XPOT: variants seen among roughly 807,000 people sequenced by gnomAD.
XPOT encodes exportin for tRNA, also known as exportin-T.
Under a neutral mutation model 128.2 loss-of-function variants are expected in XPOT, and 34 were observed. That is an observed-to-expected ratio of 0.27 (90% CI 0.20 to 0.35). The LOEUF is 0.35. Ranked by LOEUF, XPOT falls within the 10% of genes least tolerant of loss-of-function variation. The pLI is 1.00. For missense variants in XPOT, 838 were observed against 1,125.3 expected (o/e 0.74, Z 3.65); for synonymous variants, 348 against 394.3 (o/e 0.88, Z 1.39).
At position 64,420,192 on chromosome 12, in the gene XPOT, G is replaced by A. The variant is rs765120405; in HGVS notation, c.612G>A (p.Gln204=). The A allele has an allele frequency of 4.9e-5, 79 of 1,611,882 alleles. No individual in the cohort carries two copies. The highest frequency in any genetic ancestry group is 6.2e-5 in the Non-Finnish European group (73 of 1,179,324). ...YQFTNSEVTC[Q]CLEVVGAYVS... ...TTACTAATTCTGAAGTGACGTGTCA[G>A]TGCCTTGAAGTAGTTGGGGCTTATG... Residue 204 remains glutamine (Q), a synonymous_variant, in exon 7 of 25, where the codon CAG becomes CAA. Transcript: ENST00000332707.
Position 64,445,084 on chromosome 12 carries a change from C to A in XPOT, c.2815C>A (p.Gln939Lys). ...VAPEIIQEFC[Q>K]ALQQPDAKVF... The stretch of plus-strand genomic sequence containing the variant: ...TTTCCCCACCCCCCAGGAGTTTTGT[C>A]AAGCGCTTCAGCAGCCTGATGCTAA... The change falls in exon 24 of 25, where the codon CAA becomes AAA. Residue 939 changes from glutamine (Q) to lysine (K), a missense_variant. By Grantham distance (53) the Gln-to-Lys change is moderately conservative. Transcript: ENST00000332707. 6.2e-7 allele frequency: 1 copy of A among 1,607,936 alleles called. No individual in the cohort carries two copies. The highest frequency in any genetic ancestry group is 1.1e-5 in the South Asian group (1 of 90,162).
intron 22 of XPOT, among the ~76,000 whole-genome samples, chr12:64,436,622 C>T (rs549531721): frequency 4.7e-4 from 72 of 152,014 alleles, no homozygotes; most frequent in African/African-American, 1.6e-3. Flanking sequence ...CCTGTGTTAC[C>T]CAGGCTGGAG....
rs115563445 is a variant in XPOT, at chr12:64,436,730, G to A, written c.2733+1056G>A. Among the ~76,000 whole-genome samples the A allele has an allele frequency of 4.4e-3, 667 of 152,128 alleles. 1 individual carries two copies. Among genetic ancestry groups the A allele is most frequent in the African/African-American group, 0.015 (636 of 41,506 alleles). ...TGAATAGCTGGGAGTACAGGCGCAC[G>A]CCACCACACCTGGCTAATTTTTGTG... is the stretch of plus-strand genomic sequence containing the variant. On this transcript the variant is annotated intron_variant, in intron 22 of 24. Coordinates refer to ENST00000332707, the MANE Select transcript of XPOT (RefSeq NM_007235.6).
Position 64,445,101 on chromosome 12 carries a change from T to C in XPOT, c.2832T>C (p.Pro944=), listed in dbSNP as rs755297552. ...AGTTTTGTCAAGCGCTTCAGCAGCCTGATGCTAAAGTTTTTAAAAATTACT... is the reference window on the plus strand; with the variant it reads ...AGTTTTGTCAAGCGCTTCAGCAGCCCGATGCTAAAGTTTTTAAAAATTACT... The part of the protein sequence containing the change: ...IQEFCQALQQ[P]DAKVFKNYLK... Residue 944 remains proline, a synonymous_variant, in exon 24 of 25, where the codon CCT becomes CCC. Coordinates refer to ENST00000332707, the MANE Select transcript of XPOT (RefSeq NM_007235.6). The C allele has an allele frequency of 6.2e-6, 10 of 1,610,468 alleles. No individual in the cohort carries two copies. The East Asian group carries it at 2.2e-4, about 36-fold the overall frequency.
rs115842166 is a variant in XPOT at position 64,435,337 on chromosome 12, A to G, written c.2686-290A>G. 4.9e-3 allele frequency among the ~76,000 whole-genome samples: 751 copies of G among 152,290 alleles called. 9 individuals are homozygous for G. Among genetic ancestry groups the G allele is most frequent in the African/African-American group, 0.018 (735 of 41,550 alleles). ...CTAATTTTCACAATACTTAATGTCA[A>G]TTTCCGCTTTCTCACTTTCCCACAA... On this transcript the variant is annotated intron_variant, in intron 21 of 24. Transcript: ENST00000332707.
intron 14 of XPOT, 39 bp downstream of exon 14, chr12:64,425,496 A>G: frequency 6.2e-7 from 1 of 1,607,450 alleles, no homozygotes; most frequent in Non-Finnish European, 8.5e-7. Flanking sequence ...CATGGGTTTC[A>G]GCTAATGACT....
intron 24 of XPOT, among the ~76,000 whole-genome samples, chr12:64,447,395 ACTTTTG>A (rs1181050491): frequency 6.6e-6 from 1 of 152,196 alleles, no homozygotes; most frequent in Non-Finnish European, 1.5e-5. Context: ...ACTTGGAAGT[ACTTTTG>A]AATCATCAAA....
In XPOT at chr12:64,404,464, T is replaced by TCAGCGG. The variant is rs1451556330; in HGVS notation, c.-413_-408dup. 2.5e-5 allele frequency: 4 copies of TCAGCGG among 157,482 alleles called. No individual in the cohort carries two copies. Among genetic ancestry groups the TCAGCGG allele is most frequent in the Admixed American group, 6.6e-5 (1 of 15,224 alleles). The allele number at this position is 157,482 out of a possible 1,614,324, so 9.8% of individuals were successfully genotyped here. On this transcript the variant is annotated 5_prime_UTR_variant, in exon 1 of 25. Coordinates refer to ENST00000332707, the MANE Select transcript of XPOT (RefSeq NM_007235.6). ...CGCGGGGAGCGCGCTTCGCGCTGAC[T>TCAGCGG]CAGCGGCGGCGGCGGCTGCGGCGGC... is the stretch of plus-strand genomic sequence containing the variant.
intron 8 of XPOT, among the ~76,000 whole-genome samples, chr12:64,420,985 A>G (rs1159940263): frequency 6.6e-6 from 1 of 152,170 alleles, no homozygotes; most frequent in African/African-American, 2.4e-5. Flanking sequence ...CCTTTTTGGT[A>G]GAGACGGGGT....
chr12:64,410,070 A>C lies in XPOT; in HGVS notation c.35A>C (p.Asn12Thr), dbSNP rs1382133904. The C allele has an allele frequency of 6.2e-7, 1 of 1,613,914 alleles. No individual in the cohort carries two copies. The highest frequency in any genetic ancestry group is 1.7e-5 in the Admixed American group (1 of 60,024). The change falls in exon 2 of 25, where the codon AAT becomes ACT. Residue 12 changes from asparagine to threonine, a missense_variant. Asn to Thr is a moderately conservative substitution (Grantham distance 65, BLOSUM62 0). Around this residue, in one of 3 missense-constraint regions of XPOT, gnomAD observed 761 missense variants for 988.3 expected, o/e 0.77. Transcript: ENST00000332707. The part of the protein sequence containing the change: ...DEQALLGLNP[N>T]ADSDFRQRAL... ...CAGGCTCTATTAGGGCTAAATCCAA[A>C]TGCTGATTCAGACTTTAGACAAAGG... is the stretch of plus-strand genomic sequence containing the variant.
At chr12:64,429,204 A>C (rs1038243025) in intron 16 of XPOT, among the ~76,000 whole-genome samples, 7 of 152,190 alleles carry the variant, frequency 4.6e-5, no homozygotes, top group Non-Finnish European at 1.0e-4. Flanking sequence ...TCTGATGTTC[A>C]AGGCCGCAGA....
chr12:64,418,996 G>C lies in XPOT; in HGVS notation c.391G>C (p.Val131Leu). 1 of 1,614,088 alleles carries C rather than the reference G, an allele frequency of 6.2e-7. No individual in the cohort carries two copies. Among genetic ancestry groups the C allele is most frequent in the South Asian group, 1.1e-5 (1 of 91,086 alleles). The change falls in exon 6 of 25, where the codon GTA becomes CTA. Residue 131 changes from valine to leucine, a missense_variant. Val to Leu is a conservative substitution (Grantham distance 32). Coordinates refer to ENST00000332707, the MANE Select transcript of XPOT (RefSeq NM_007235.6). ...WPKFFFDILSVVDLNPRGVDL... is the reference protein window; with the variant it reads ...WPKFFFDILSLVDLNPRGVDL... ...CAAGTTTTTTTTTGACATTCTCTCAGTAGTGGACCTAAATCCAAGGGGAGT... is the reference window on the plus strand; with the variant it reads ...CAAGTTTTTTTTTGACATTCTCTCACTAGTGGACCTAAATCCAAGGGGAGT...
At chr12:64,438,434 T>C (rs185462284) in intron 22 of XPOT, among the ~76,000 whole-genome samples, 1 of 152,088 alleles carries the variant, frequency 6.6e-6, no homozygotes, top group East Asian at 1.9e-4. Flanking sequence ...AGAAGGAAAG[T>C]AGGAGGGATC....
intron 9 of XPOT, 51 bp from the exon 10 acceptor site, chr12:64,422,954 T>C (rs759949425): frequency 1.3e-6 from 2 of 1,551,014 alleles, no homozygotes; most frequent in Non-Finnish European, 1.8e-6. Flanking sequence ...TGTTCTGATA[T>C]GCAGGTATAA....
At chr12:64,437,354 A>G (rs1026789977) in intron 22 of XPOT, among the ~76,000 whole-genome samples, 1 of 152,220 alleles carries the variant, frequency 6.6e-6, no homozygotes, top group African/African-American at 2.4e-5. Context: ...TGAATGGGCA[A>G]TTTTGCCTGA....
intron 1 of XPOT, among the ~76,000 whole-genome samples, chr12:64,405,862 C>T (rs2039976001): frequency 6.6e-6 from 1 of 152,182 alleles, no homozygotes; most frequent in South Asian, 2.1e-4. Context: ...GCGATCCGCC[C>T]GCCTCAGCCT....
rs1295663943 is a variant in XPOT at position 64,430,291 on chromosome 12, AGT to A, written c.1976+8_1976+9del. 8 of 1,558,038 alleles carry A rather than the reference AGT, an allele frequency of 5.1e-6. No individual in the cohort carries two copies. The highest frequency in any genetic ancestry group is 6.9e-6 in the Non-Finnish European group (8 of 1,156,980). ...ACCATGCTGTTGGATTTGCAAGGTA[AGT>A]GTGATCACAGTTAAAATTATAAAGT... On this transcript the variant is annotated splice_donor_5th_base_variant and intron_variant, in intron 17 of 24. Coordinates refer to ENST00000332707, the MANE Select transcript of XPOT (RefSeq NM_007235.6).
Position 64,445,066 on chromosome 12 carries a change from AC to A in XPOT, c.2806-3del. 6.3e-7 allele frequency: 1 copy of A among 1,595,058 alleles called. No individual in the cohort carries two copies. Among genetic ancestry groups the A allele is most frequent in the Non-Finnish European group, 8.5e-7 (1 of 1,172,248 alleles). On this transcript the variant is annotated splice_region_variant and splice_polypyrimidine_tract_variant and intron_variant, in intron 23 of 24. Coordinates refer to ENST00000332707, the MANE Select transcript of XPOT (RefSeq NM_007235.6). ...TGTTCTTTTTCTCCCTCTTTTCCCC[AC>A]CCCCCAGGAGTTTTGTCAAGCGCTT...
intron 8 of XPOT, 39 bp downstream of exon 8, chr12:64,420,560 T>C: frequency 6.7e-7 from 1 of 1,500,992 alleles, no homozygotes; most frequent in Non-Finnish European, 9.1e-7. Flanking sequence ...GTAAAGTTGT[T>C]AGAACAAACT....
Sources: gnomAD v4.1 joint callset for allele counts (sites outside exome capture counted in the v4.1 genomes callset) on GRCh38, gnomAD v4.1.1 for gene constraint, gnomAD v4.1.1 regional missense constraint, MANE v1.5 for transcripts, NCBI Gene and HGNC (gene_info 2026-07-23, HGNC 2026-07-21) for gene names.